ENPP6: variants seen among roughly 807,000 people sequenced by gnomAD.
The protein encoded by ENPP6 is ectonucleotide pyrophosphatase/phosphodiesterase 6.
Under a neutral mutation model 42.0 loss-of-function variants are expected in ENPP6, and 32 were observed. The observed-to-expected ratio is 0.76, with a 90% CI of 0.58 to 1.02. The LOEUF (loss-of-function observed/expected upper bound fraction) is 1.02, where lower values mean the gene tolerates loss of function less well. ENPP6 is among the 50% of genes least tolerant of loss of function. ENPP6 has a pLI of 0.00. For synonymous variants in ENPP6, 213 were observed against 216.0 expected, an observed-to-expected ratio of 0.99 and a Z score of 0.12; for missense variants, 552 against 566.8, an observed-to-expected ratio of 0.97 and a Z score of 0.27.
At chr4:184,097,138 A>G in intron 7 of ENPP6, 107 bp downstream of exon 7, 1 of 1,510,242 alleles carries the variant, frequency 6.6e-7, no homozygotes, top group Non-Finnish European at 9.0e-7. Flanking sequence ...GCTCATAAAG[A>G]GGGTCTGTAA....
chr4:184,091,234 C>CG lies in ENPP6; in HGVS notation c.1265dup (p.Pro423AlafsTer48). On this transcript the variant is annotated frameshift_variant, in exon 8 of 8. Coordinates refer to ENST00000296741, the MANE Select transcript of ENPP6 (RefSeq NM_153343.4). LOFTEE classifies it low-confidence loss of function (END_TRUNC). Reference sequence around the variant, plus strand: ...GGGCACAGTGGCTGGGCCAGACAGGCGGGGCAGTGCTGGCGCGGCCCTTCA... The same window carrying CG: ...GGGCACAGTGGCTGGGCCAGACAGGCGGGGGCAGTGCTGGCGCGGCCCTTCA... 6.3e-7 allele frequency: 1 copy of CG among 1,591,902 alleles called. No homozygotes were observed. The highest frequency in any genetic ancestry group is 8.6e-7 in the Non-Finnish European group (1 of 1,169,100).
intron 1 of ENPP6, among the ~76,000 whole-genome samples, chr4:184,213,911 T>TA (rs1326996893): frequency 6.1e-5 from 7 of 113,934 alleles, no homozygotes; most frequent in Admixed American, 9.5e-5. Context: ...TATGCAGCCA[T>TA]AAAAAATGAT....
intron 5 of ENPP6, among the ~76,000 whole-genome samples, chr4:184,116,095 C>A (rs7659843): frequency 0.53 from 79,793 of 151,530 alleles, 21,657 homozygotes; most frequent in Non-Finnish European, 0.6. Flanking sequence ...TGGTGGCGGG[C>A]GCCTGTAGAC....
intron 1 of ENPP6, among the ~76,000 whole-genome samples, chr4:184,208,860 T>C (rs533231492): frequency 0.017 from 2,450 of 142,484 alleles, 190 homozygotes; most frequent in African/African-American, 0.06. Context: ...AAGAGAGCAG[T>C]GGTTCTCCCA....
chr4:184,115,744 C>T (rs1041322532), intron 5 of ENPP6, among the ~76,000 whole-genome samples: 19 of 152,122 alleles, frequency 1.2e-4, no homozygotes, highest in African/African-American at 4.3e-4. Context: ...AACGGTGGCT[C>T]CTGACATAAG....
chr4:184,196,061 G>A (rs1221742608), intron 1 of ENPP6, among the ~76,000 whole-genome samples: 4 of 152,214 alleles, frequency 2.6e-5, no homozygotes. Flanking sequence ...GCCCTGCTCA[G>A]AGATGTCACA....
intron 1 of ENPP6, among the ~76,000 whole-genome samples, chr4:184,177,249 A>G (rs1263513736): frequency 6.6e-6 from 1 of 152,308 alleles, no homozygotes; most frequent in East Asian, 1.9e-4. Flanking sequence ...GTGGCAGATC[A>G]TGGCCAGGCT....
intron 1 of ENPP6, among the ~76,000 whole-genome samples, chr4:184,156,247 G>A (rs914461349): frequency 3.9e-5 from 6 of 152,184 alleles, no homozygotes; most frequent in African/African-American, 1.2e-4. Context: ...GCTGGCAGGA[G>A]GAGGCTGCTT....
At chr4:184,131,956 C>T (rs7695206) in intron 2 of ENPP6, among the ~76,000 whole-genome samples, 95,208 of 151,524 alleles carry the variant, frequency 0.63, 30,292 homozygotes, top group Non-Finnish European at 0.68. Flanking sequence ...AGTCCTAATT[C>T]AGTCCTAATT....
rs769126921 is a variant in ENPP6, at chr4:184,217,848, G to A, written c.-29C>T. 2 of 1,607,606 alleles carry A rather than the reference G, an allele frequency of 1.2e-6. No individual in the cohort carries two copies. The highest frequency in any genetic ancestry group is 1.3e-5 in the African/African-American group (1 of 74,812). On this transcript the variant is annotated 5_prime_UTR_variant, in exon 1 of 8. Transcript: ENST00000296741. ...GCCAGGAGCCTGCCAGAGCCCGGCT[G>A]GCACAGCTGTCGCCTTGCAAAGACT... is the stretch of plus-strand genomic sequence containing the variant.
At position 184,146,631 on chromosome 4, in the gene ENPP6, A is replaced by G. The variant is rs536179156; in HGVS notation, c.421+6923T>C. ...TCTTTTTGCAGCTCAGCAACATTAA[A>G]TGCTCACGATGCCCACTCTGTCTTG... is the stretch of plus-strand genomic sequence containing the variant. On this transcript the variant is annotated intron_variant, in intron 2 of 7. Coordinates refer to ENST00000296741, the MANE Select transcript of ENPP6 (RefSeq NM_153343.4). Among the ~76,000 whole-genome samples, 5 of 152,318 alleles carry G rather than the reference A, an allele frequency of 3.3e-5. 1 individual carries two copies. In the South Asian group the frequency reaches 1.0e-3, roughly 32 times the overall value.
At chr4:184,181,848 C>T (rs905314070) in intron 1 of ENPP6, among the ~76,000 whole-genome samples, 2 of 152,130 alleles carry the variant, frequency 1.3e-5, no homozygotes, top group South Asian at 2.1e-4. Flanking sequence ...ACACCTCATA[C>T]AAAAATTAAC....
At chr4:184,173,089 A>G (rs964411450) in intron 1 of ENPP6, among the ~76,000 whole-genome samples, 15 of 152,202 alleles carry the variant, frequency 9.9e-5, no homozygotes, top group African/African-American at 3.6e-4. Context: ...TATTTTTAGT[A>G]GAGACGGGGT....
At chr4:184,100,807 C>T (rs1161117981) in intron 6 of ENPP6, among the ~76,000 whole-genome samples, 1 of 152,192 alleles carries the variant, frequency 6.6e-6, no homozygotes, top group Non-Finnish European at 1.5e-5. Context: ...CCCATGATTT[C>T]AGGGCCGGTT....
At chr4:184,150,438 G>A (rs1267186660) in intron 2 of ENPP6, among the ~76,000 whole-genome samples, 1 of 152,100 alleles carries the variant, frequency 6.6e-6, no homozygotes, top group Admixed American at 6.5e-5. Context: ...GGGGAGTGGA[G>A]AAGGAAGAGG....
At chr4:184,143,170 T>C (rs2111369852) in intron 2 of ENPP6, among the ~76,000 whole-genome samples, 1 of 152,356 alleles carries the variant, frequency 6.6e-6, no homozygotes, top group East Asian at 1.9e-4. Context: ...CTACCTGGCA[T>C]GCAACATGCT....
chr4:184,122,404 A>ACACCACCACCACCACCACCAC (rs57184304), intron 3 of ENPP6, among the ~76,000 whole-genome samples: 4 of 140,784 alleles, frequency 2.8e-5, no homozygotes, highest in South Asian at 2.4e-4. Flanking sequence ...ACACACTCAT[A>ACACCACCACCACCACCACCAC]CACCACCACC....
chr4:184,202,472 T>C (rs1460112720), intron 1 of ENPP6, among the ~76,000 whole-genome samples: 1 of 152,162 alleles, frequency 6.6e-6, no homozygotes, highest in African/African-American at 2.4e-5. Flanking sequence ...GGTATGGCTT[T>C]CATAGACTTT....
At chr4:184,153,470 G>A (rs944057426) in intron 2 of ENPP6, 84 bp downstream of exon 2, 31 of 1,420,380 alleles carry the variant, frequency 2.2e-5, no homozygotes, top group Non-Finnish European at 2.8e-5. Context: ...ACCACGGCTT[G>A]GTCTTCAAAC....
Sources: allele counts gnomAD v4.1 joint callset (sites outside exome capture counted in the v4.1 genomes callset), GRCh38; gene constraint gnomAD v4.1.1; transcripts MANE v1.5; gene names NCBI Gene and HGNC (gene_info 2026-07-23, HGNC 2026-07-21).